The following ZNF16 variants were observed in gnomAD, a reference collection of about 807,000 sequenced individuals.
ZNF16 encodes the protein zinc finger protein KOX9.
A neutral mutation model predicts 9.0 loss-of-function variants in ZNF16; 7 were observed. That is an observed-to-expected ratio of 0.78 (90% CI 0.44 to 1.47). ZNF16 has a LOEUF of 1.47. ZNF16 is among the 40% of genes most tolerant of loss of function. The pLI is 0.01. For synonymous variants in ZNF16, 312 were observed against 301.5 expected (o/e 1.03, Z -0.36); for missense variants, 830 against 854.2 (o/e 0.97, Z 0.35).
chr8:144,946,357 A>C (rs948218111), intron 1 of ZNF16, 142 bp from the exon 2 acceptor site: 15 of 788,150 alleles, frequency 1.9e-5, no homozygotes, highest in Non-Finnish European at 2.6e-5. Context: ...TCAGGGGCTG[A>C]TGCTGTGTTT....
At chr8:144,946,908 T>C (rs969466514) in intron 1 of ZNF16, among the ~76,000 whole-genome samples, 2 of 120,946 alleles carry the variant, frequency 1.7e-5, no homozygotes, top group Non-Finnish European at 3.2e-5. Context: ...GTGGGGCCTG[T>C]ACCCTGCTGT....
chr8:144,949,885 G>A (rs1257424121), intron 1 of ZNF16, among the ~76,000 whole-genome samples: 2 of 152,222 alleles, frequency 1.3e-5, no homozygotes, highest in Non-Finnish European at 2.9e-5. Flanking sequence ...TAAAGGGTCT[G>A]TGTTGAGGTG....
At chr8:144,941,620 C>CT (rs1833797487) in intron 2 of ZNF16, among the ~76,000 whole-genome samples, 2 of 151,552 alleles carry the variant, frequency 1.3e-5, no homozygotes, top group African/African-American at 4.8e-5. Context: ...TAGGTATTAC[C>CT]TTTTTTGTAG....
chr8:144,943,739 C>T (rs963093420), intron 2 of ZNF16, among the ~76,000 whole-genome samples: 3 of 152,098 alleles, frequency 2.0e-5, no homozygotes, highest in East Asian at 3.9e-4. Context: ...AAGATTCTCT[C>T]GATCTCCTGA....
chr8:144,932,161 A>T lies in ZNF16; in HGVS notation c.626T>A (p.Leu209His). The change falls in exon 3 of 3, where the codon CTC becomes CAC. Residue 209 changes from leucine (L) to histidine (H), a missense_variant. Coordinates refer to ENST00000394909, the MANE Select transcript of ZNF16 (RefSeq NM_006958.3). This position sits in a 1 kb window ranked among gnomAD's most constrained non-coding sequence, Gnocchi z 5.0. ...GGTTTTCCCACACTCATTACATATG[A>T]GTGGACTTTCAGCTGTGGGAACCCC... ...HEGVPTAESPLICNECGKTFQ... is the reference protein window; with the variant it reads ...HEGVPTAESPHICNECGKTFQ... The T allele has an allele frequency of 1.2e-6, 2 of 1,614,182 alleles. No individual in the cohort carries two copies. Among genetic ancestry groups the T allele is most frequent in the Non-Finnish European group, 1.7e-6 (2 of 1,180,036 alleles).
At chr8:144,941,959 T>C (rs1398849549) in intron 2 of ZNF16, among the ~76,000 whole-genome samples, 2 of 149,270 alleles carry the variant, frequency 1.3e-5, no homozygotes, top group Non-Finnish European at 3.0e-5. Flanking sequence ...GCCTGGCCTC[T>C]TGTGTCCATT....
chr8:144,931,618 G>A lies in ZNF16; in HGVS notation c.1169C>T (p.Ala390Val), dbSNP rs1357561936. 1 of 1,614,176 alleles carries A rather than the reference G, an allele frequency of 6.2e-7. No homozygotes were observed. The highest frequency in any genetic ancestry group is 8.5e-7 in the Non-Finnish European group (1 of 1,180,026). ...GACCCTCTGGTGCTTCCTCAGGTGT[G>A]CACTCTGGCTGAAGGCTTTCCCACA... The part of the protein sequence containing the change: ...GECGKAFSQS[A>V]HLRKHQRVHT... Residue 390 changes from alanine to valine, a missense_variant, in exon 3 of 3, where the codon GCA becomes GTA. By Grantham distance (64) the Ala-to-Val change is moderately conservative (BLOSUM62 0). Transcript: ENST00000394909.
At position 144,930,668 on chromosome 8, in the gene ZNF16, G is replaced by A. The variant is rs1300354030; in HGVS notation, c.*70C>T. On this transcript the variant is annotated 3_prime_UTR_variant, in exon 3 of 3. Coordinates refer to ENST00000394909, the MANE Select transcript of ZNF16 (RefSeq NM_006958.3). ...GCTTTCGGTCTGGGAAGTGGCAGAG[G>A]CTGAGACAATGGCCAAAGAGGAGTT... 5 of 1,493,036 alleles carry A rather than the reference G, an allele frequency of 3.3e-6. No homozygotes were observed. The highest frequency in any genetic ancestry group is 2.7e-5 in the South Asian group (2 of 72,796). 92.5% of individuals were successfully genotyped at this position (1,493,036 alleles called of 1,614,324 possible). A position where few individuals can be genotyped will look rare whatever the true frequency, so the allele number is the denominator to read the frequency against.
chr8:144,931,677 A>C lies in ZNF16; in HGVS notation c.1110T>G (p.Thr370=). Residue 370 remains threonine (T), a synonymous_variant, in exon 3 of 3, where the codon ACT becomes ACG. Coordinates refer to ENST00000394909, the MANE Select transcript of ZNF16 (RefSeq NM_006958.3). The part of the protein sequence containing the change: ...RSSNLIKHHR[T]HTGEKPFECG... ...ACTCAAAAGGCTTCTCTCCTGTGTG[A>C]GTCCTGTGGTGTTTGATGAGGTTTG... 3.1e-6 allele frequency: 5 copies of C among 1,613,410 alleles called. No homozygotes were observed. The highest frequency in any genetic ancestry group is 4.2e-6 in the Non-Finnish European group (5 of 1,179,810).
chr8:144,949,492 G>A (rs1295105754), intron 1 of ZNF16, among the ~76,000 whole-genome samples: 1 of 152,218 alleles, frequency 6.6e-6, no homozygotes, highest in African/African-American at 2.4e-5. Flanking sequence ...TGTCTGTGTA[G>A]AAAAGGAAGA....
chr8:144,949,084 T>G (rs1728260305), intron 1 of ZNF16, among the ~76,000 whole-genome samples: 1 of 152,224 alleles, frequency 6.6e-6, no homozygotes, highest in African/African-American at 2.4e-5. Context: ...TGAACAAGCT[T>G]GGAAGTGGAG....
intron 1 of ZNF16, among the ~76,000 whole-genome samples, chr8:144,949,548 T>A (rs573112721): frequency 1.5e-4 from 23 of 152,356 alleles, no homozygotes; most frequent in Non-Finnish European, 2.2e-4. Context: ...ATTGCTTTGC[T>A]GAGATGCTGT....
At position 144,943,852 on chromosome 8, in the gene ZNF16, C is replaced by A. The variant is rs574205542; in HGVS notation, c.196+2159G>T. Among the ~76,000 whole-genome samples the A allele has an allele frequency of 2.6e-5, 4 of 152,072 alleles. No homozygotes were observed. In the South Asian group the frequency reaches 8.3e-4, roughly 32 times the overall value. ...TCACTTTTCTTAGATCTTTTTTCTC[C>A]TCAGACTGAATGATTTCAATTATCC... On this transcript the variant is annotated intron_variant, in intron 2 of 2. Transcript: ENST00000394909.
Position 144,940,482 on chromosome 8 carries a change from T to C in ZNF16, c.196+5529A>G, listed in dbSNP as rs190572894. Among the ~76,000 whole-genome samples, 49 of 152,358 alleles carry C rather than the reference T, an allele frequency of 3.2e-4. 1 individual carries two copies. The highest frequency in any genetic ancestry group is 2.7e-3 in the Admixed American group (42 of 15,306). Reference sequence around the variant, plus strand: ...CTGCAGGTATTGTCTAACTGTCTGATTTCATCTTTGATCCATTGGTTGTTT... The same window carrying C: ...CTGCAGGTATTGTCTAACTGTCTGACTTCATCTTTGATCCATTGGTTGTTT... On this transcript the variant is annotated intron_variant, in intron 2 of 2. Transcript: ENST00000394909.
chr8:144,947,944 G>A (rs1315504992), intron 1 of ZNF16: 2 of 152,240 alleles, frequency 1.3e-5, no homozygotes, highest in African/African-American at 4.8e-5. Flanking sequence ...ACATACCTCA[G>A]CCCTTCACTC....
intron 2 of ZNF16, among the ~76,000 whole-genome samples, chr8:144,938,958 A>G (rs181298651): frequency 6.6e-5 from 10 of 151,900 alleles, no homozygotes; most frequent in African/African-American, 2.4e-4. Flanking sequence ...AAAGTGTTAG[A>G]TTTTGCCAAA....
At chr8:144,950,641 C>A (rs1204934659) in intron 1 of ZNF16, 156 bp downstream of exon 1, 1 of 149,604 alleles carries the variant, frequency 6.7e-6, no homozygotes, top group Non-Finnish European at 1.5e-5. Flanking sequence ...CCCCCCCGCG[C>A]TCCCACAACC....
chr8:144,950,141 C>A (rs1387344403), intron 1 of ZNF16, among the ~76,000 whole-genome samples: 1 of 152,096 alleles, frequency 6.6e-6, no homozygotes, highest in South Asian at 2.1e-4. Context: ...CCCATCCAGG[C>A]ATAGTACCTC....
chr8:144,950,145 G>A (rs1466136611), intron 1 of ZNF16, among the ~76,000 whole-genome samples: 4 of 148,908 alleles, frequency 2.7e-5, no homozygotes, highest in African/African-American at 7.8e-5. Context: ...TCCAGGCATA[G>A]TACCTCCCCT....
Sources: allele counts gnomAD v4.1 joint callset (sites outside exome capture counted in the v4.1 genomes callset), GRCh38; gene constraint gnomAD v4.1.1; non-coding constraint Gnocchi (gnomAD v3.1); transcripts MANE v1.5; gene names NCBI Gene and HGNC (gene_info 2026-07-23, HGNC 2026-07-21).